ASIC2: variants seen among roughly 807,000 people sequenced by gnomAD.
ASIC2 encodes the protein acid-sensing ion channel 2.
In ASIC2, 25 loss-of-function variants were observed where a neutral mutation model predicts 57.3. The ratio of observed to expected loss-of-function variants is 0.44; its 90% CI spans 0.32 to 0.61. The LOEUF is 0.61. ASIC2 is among the 20% of genes least tolerant of loss of function. The probability of loss-of-function intolerance (pLI) is 0.06; values close to 1 mark genes in which losing one functional copy is unlikely to be tolerated. For synonymous variants in ASIC2, 319 were observed against 307.5 expected, an observed-to-expected ratio of 1.04 and a Z score of -0.39; for missense variants, 641 against 738.1, an observed-to-expected ratio of 0.87 and a Z score of 1.52.
chr17:33,066,965 G>C (rs200328446), intron 3 of ASIC2, among the ~76,000 whole-genome samples: 2 of 152,262 alleles, frequency 1.3e-5, no homozygotes, highest in East Asian at 3.9e-4. Context: ...CAGGAGCCTG[G>C]GGAGTCTGGA....
chr17:33,964,019 T>C (rs1905004157), intron 1 of ASIC2, among the ~76,000 whole-genome samples: 1 of 152,160 alleles, frequency 6.6e-6, no homozygotes, highest in East Asian at 1.9e-4. Context: ...TGGGATGCAC[T>C]CAGAAAAGAA....
chr17:34,009,424 C>T (rs577509690), intron 1 of ASIC2, among the ~76,000 whole-genome samples: 60 of 152,222 alleles, frequency 3.9e-4, no homozygotes, highest in African/African-American at 1.3e-3. Flanking sequence ...TATCAGAGTC[C>T]TGAAGACTTA....
At chr17:33,157,086 A>G (rs994856712) in intron 1 of ASIC2, among the ~76,000 whole-genome samples, 5 of 152,102 alleles carry the variant, frequency 3.3e-5, no homozygotes, top group African/African-American at 1.2e-4. Context: ...AGGGACTGCA[A>G]CTAACTCATG....
At chr17:33,468,262 C>A (rs1912927145) in intron 1 of ASIC2, among the ~76,000 whole-genome samples, 1 of 152,094 alleles carries the variant, frequency 6.6e-6, no homozygotes, top group Non-Finnish European at 1.5e-5. Flanking sequence ...CATCAAAGCA[C>A]AATGGAAATG....
intron 1 of ASIC2, among the ~76,000 whole-genome samples, chr17:33,189,314 G>A (rs957660882): frequency 4.6e-5 from 7 of 151,964 alleles, no homozygotes; most frequent in East Asian, 1.9e-4. Context: ...AACAGAAAGC[G>A]AAGAGATGGG....
At chr17:33,278,324 A>G (rs1904790794) in intron 1 of ASIC2, among the ~76,000 whole-genome samples, 1 of 151,788 alleles carries the variant, frequency 6.6e-6, no homozygotes, top group Admixed American at 6.6e-5. Context: ...AAAATCCTTA[A>G]TCACCTGGGG....
chr17:34,019,469 C>T (rs548494402), intron 1 of ASIC2, among the ~76,000 whole-genome samples: 2 of 152,316 alleles, frequency 1.3e-5, no homozygotes, highest in South Asian at 2.1e-4. Flanking sequence ...ACCAAAGCCA[C>T]TCCAACTTTC....
chr17:33,242,533 C>T (rs1908544600), intron 1 of ASIC2, among the ~76,000 whole-genome samples: 2 of 152,110 alleles, frequency 1.3e-5, no homozygotes, highest in Admixed American at 6.5e-5. Flanking sequence ...AACAACTTCT[C>T]AGGATGACTT....
At chr17:33,531,738 C>T (rs1289274804) in intron 1 of ASIC2, among the ~76,000 whole-genome samples, 1 of 152,196 alleles carries the variant, frequency 6.6e-6, no homozygotes, top group African/African-American at 2.4e-5. Context: ...TCTACGTCCC[C>T]AACTCCCAGC....
intron 1 of ASIC2, among the ~76,000 whole-genome samples, chr17:34,109,974 G>C (rs1911211711): frequency 6.6e-6 from 1 of 150,918 alleles, no homozygotes. Flanking sequence ...AAGAGAGAGA[G>C]AGAGATGAGA....
At chr17:34,154,885 C>A (rs565403644) in intron 1 of ASIC2, among the ~76,000 whole-genome samples, 1 of 152,280 alleles carries the variant, frequency 6.6e-6, no homozygotes, top group Admixed American at 6.5e-5. Context: ...GATACCCAGA[C>A]GTGCCTGGCA....
intron 1 of ASIC2, among the ~76,000 whole-genome samples, chr17:34,055,811 A>T (rs571790239): frequency 1.3e-5 from 2 of 152,324 alleles, no homozygotes; most frequent in Admixed American, 1.3e-4. Context: ...TTTTTGGCTA[A>T]TGTAAATAAA....
At chr17:33,505,864 A>G (rs1914234041) in intron 1 of ASIC2, among the ~76,000 whole-genome samples, 1 of 152,230 alleles carries the variant, frequency 6.6e-6, no homozygotes, top group Non-Finnish European at 1.5e-5. Flanking sequence ...CCCCAGCACC[A>G]GGGTGAGCAG....
chr17:33,598,917 C>CTA (rs1213033634), intron 1 of ASIC2, among the ~76,000 whole-genome samples: 1 of 152,164 alleles, frequency 6.6e-6, no homozygotes, highest in Non-Finnish European at 1.5e-5. Flanking sequence ...CTGAGACTGC[C>CTA]TATAGGGTAT....
chr17:33,384,429 G>A, intron 1 of ASIC2, among the ~76,000 whole-genome samples: 1 of 152,104 alleles, frequency 6.6e-6, no homozygotes, highest in South Asian at 2.1e-4. Context: ...TTTTTTCTGT[G>A]AACTGATTGT....
At chr17:33,478,765 G>C (rs1171147648) in intron 1 of ASIC2, among the ~76,000 whole-genome samples, 1 of 152,132 alleles carries the variant, frequency 6.6e-6, no homozygotes, top group African/African-American at 2.4e-5. Context: ...TTTGCCCAAG[G>C]TTCTGCAATC....
intron 1 of ASIC2, among the ~76,000 whole-genome samples, chr17:33,590,579 C>T (rs1297064806): frequency 1.3e-5 from 2 of 150,328 alleles, no homozygotes; most frequent in Non-Finnish European, 1.5e-5. Flanking sequence ...ACACCACACC[C>T]CAATCTCTAT....
chr17:33,048,300 AC>A (rs2091962861), intron 3 of ASIC2, among the ~76,000 whole-genome samples: 1 of 152,160 alleles, frequency 6.6e-6, no homozygotes, highest in Non-Finnish European at 1.5e-5. Context: ...CCTCGAGCTG[AC>A]TAAGAATCTC....
chr17:33,941,086 T>C (rs1016558337), intron 1 of ASIC2, among the ~76,000 whole-genome samples: 3 of 152,102 alleles, frequency 2.0e-5, no homozygotes, highest in African/African-American at 7.2e-5. Flanking sequence ...GAGTGGAGAA[T>C]GAGGGGCCAA....
Sources: gnomAD v4.1 joint callset for allele counts (sites outside exome capture counted in the v4.1 genomes callset) on GRCh38, gnomAD v4.1.1 for gene constraint, MANE v1.5 for transcripts, NCBI Gene and HGNC (gene_info 2026-07-23, HGNC 2026-07-21) for gene names.